Variants in PCDH15 observed in about 807,000 individuals in gnomAD.
PCDH15 encodes the protein protocadherin related 15.
PCDH15 carries 129 observed loss-of-function variants against 178.5 expected under a neutral mutation model. The ratio of observed to expected loss-of-function variants is 0.72; its 90% CI spans 0.63 to 0.84. The LOEUF is 0.84. Among genes scored for constraint, PCDH15 ranks in the 40% least tolerant of loss-of-function variants. The probability of loss-of-function intolerance (pLI) is 0.00; values close to 1 mark genes in which losing one functional copy is unlikely to be tolerated. For missense variants in PCDH15, 2,230 were observed against 2,099.9 expected (o/e 1.06, Z -1.21); for synonymous variants, 800 against 732.0 (o/e 1.09, Z -1.50).
intron 21 of PCDH15, among the ~76,000 whole-genome samples, chr10:53,969,151 A>T (rs1046277810): frequency 9.2e-5 from 14 of 152,326 alleles, no homozygotes; most frequent in African/African-American, 3.1e-4. Flanking sequence ...AACAGTGTAG[A>T]GAAGACCTTA....
At chr10:55,069,826 A>C (rs2132011083) in intron 2 of PCDH15, among the ~76,000 whole-genome samples, 1 of 150,878 alleles carries the variant, frequency 6.6e-6, no homozygotes. Context: ...TGGTATTTCT[A>C]GTTCTAGATC....
intron 25 of PCDH15, among the ~76,000 whole-genome samples, chr10:53,909,506 G>T (rs2082916443): frequency 6.6e-6 from 1 of 152,064 alleles, no homozygotes; most frequent in Admixed American, 6.6e-5. Flanking sequence ...AGATTTTTAA[G>T]CATTTAAAAA....
chr10:54,100,092 G>T (rs1358178450), intron 15 of PCDH15, among the ~76,000 whole-genome samples: 1 of 152,086 alleles, frequency 6.6e-6, no homozygotes. Flanking sequence ...CAGTGGTCGG[G>T]CATGGTGGCT....
chr10:54,652,114 T>C (rs997534684), intron 2 of PCDH15, among the ~76,000 whole-genome samples: 1 of 152,226 alleles, frequency 6.6e-6, no homozygotes, highest in African/African-American at 2.4e-5. Flanking sequence ...CATATTCCCT[T>C]GTACTGCCCC....
At chr10:55,338,794 A>C (rs1844471221) in intron 2 of PCDH15, among the ~76,000 whole-genome samples, 1 of 152,144 alleles carries the variant, frequency 6.6e-6, no homozygotes, top group Non-Finnish European at 1.5e-5. Context: ...AAACAAAACA[A>C]AAAAACAAAC....
At chr10:54,108,704 G>A (rs1222075459) in intron 15 of PCDH15, among the ~76,000 whole-genome samples, 1 of 152,140 alleles carries the variant, frequency 6.6e-6, no homozygotes. Flanking sequence ...ACCCCAGGCA[G>A]CACAACTCAC....
chr10:55,228,229 A>C (rs1841109586), intron 1 of PCDH15, among the ~76,000 whole-genome samples: 1 of 152,110 alleles, frequency 6.6e-6, no homozygotes, highest in African/African-American at 2.4e-5. Context: ...ACATCAATAA[A>C]TCACTTATTA....
chr10:54,855,049 G>A (rs1953712424), intron 3 of PCDH15, among the ~76,000 whole-genome samples: 1 of 152,222 alleles, frequency 6.6e-6, no homozygotes, highest in African/African-American at 2.4e-5. Context: ...GGCTGAGGCT[G>A]CAGGGGGCTG....
intron 3 of PCDH15, among the ~76,000 whole-genome samples, chr10:54,861,255 C>A (rs1029986800): frequency 5.9e-5 from 9 of 152,068 alleles, no homozygotes; most frequent in Non-Finnish European, 1.5e-5. Flanking sequence ...AAAGAAGATT[C>A]AAATAAGCAC....
At chr10:53,960,205 A>G (rs1233870089) in intron 22 of PCDH15, among the ~76,000 whole-genome samples, 2 of 152,214 alleles carry the variant, frequency 1.3e-5, no homozygotes, top group African/African-American at 4.8e-5. Flanking sequence ...GTAAATACAC[A>G]TGATTTTATA....
At chr10:54,441,421 C>A (rs1330778254) in intron 3 of PCDH15, among the ~76,000 whole-genome samples, 1 of 151,882 alleles carries the variant, frequency 6.6e-6, no homozygotes, top group Admixed American at 6.6e-5. Context: ...TGAGTCAGCT[C>A]TTCTGACCCT....
At chr10:54,979,654 G>C (rs765056226) in intron 2 of PCDH15, among the ~76,000 whole-genome samples, 2 of 133,476 alleles carry the variant, frequency 1.5e-5, no homozygotes, top group African/African-American at 5.7e-5. Context: ...GGGTGACAGA[G>C]TGAGACTGTG....
At chr10:54,875,757 A>G (rs1195665985) in intron 3 of PCDH15, among the ~76,000 whole-genome samples, 1 of 152,204 alleles carries the variant, frequency 6.6e-6, no homozygotes, top group East Asian at 1.9e-4. Flanking sequence ...AGGAAGCTGC[A>G]GAAGAAAAGG....
chr10:54,697,393 G>A (rs1185949587), intron 1 of PCDH15, among the ~76,000 whole-genome samples: 1 of 151,292 alleles, frequency 6.6e-6, no homozygotes, highest in South Asian at 2.1e-4. Flanking sequence ...AAATCTTCAT[G>A]TTGAAAATAC....
At chr10:55,068,235 T>C (rs972829323) in intron 2 of PCDH15, among the ~76,000 whole-genome samples, 6 of 152,134 alleles carry the variant, frequency 3.9e-5, no homozygotes, top group African/African-American at 1.4e-4. Context: ...TAGTTTCAGA[T>C]CTTATGTTTA....
chr10:54,440,684 T>G (rs967918204), intron 3 of PCDH15, among the ~76,000 whole-genome samples: 1 of 151,986 alleles, frequency 6.6e-6, no homozygotes. Flanking sequence ...ATGTAAACAT[T>G]TATGATAACT....
chr10:54,135,217 AT>A (rs35865582), intron 14 of PCDH15, among the ~76,000 whole-genome samples: 25,563 of 147,544 alleles, frequency 0.17, 2,308 homozygotes, highest in Admixed American at 0.21. Flanking sequence ...AAAAAAAAAA[AT>A]TTCATGCTTA....
chr10:54,236,388 T>A (rs1423994918), intron 9 of PCDH15, among the ~76,000 whole-genome samples: 1 of 152,154 alleles, frequency 6.6e-6, no homozygotes, highest in South Asian at 2.1e-4. Flanking sequence ...ACCTTTTTTT[T>A]TTAAATGGCT....
At chr10:55,404,217 A>AT in intron 2 of PCDH15, among the ~76,000 whole-genome samples, 1 of 152,170 alleles carries the variant, frequency 6.6e-6, no homozygotes, top group South Asian at 2.1e-4. Flanking sequence ...AGACAAGAAC[A>AT]TACCAGTAAG....
Sources: allele counts gnomAD v4.1 joint callset (sites outside exome capture counted in the v4.1 genomes callset), GRCh38; gene constraint gnomAD v4.1.1; transcripts MANE v1.5; gene names NCBI Gene and HGNC (gene_info 2026-07-23, HGNC 2026-07-21).